Variants in KCNIP4 observed in about 807,000 individuals in gnomAD.
KCNIP4 encodes potassium voltage-gated channel interacting protein 4.
In KCNIP4, 12 loss-of-function variants were observed where a neutral mutation model predicts 34.0. The observed-to-expected ratio is 0.35, with a 90% CI of 0.23 to 0.57. KCNIP4 has a LOEUF of 0.57. KCNIP4 is among the 20% of genes least tolerant of loss of function. KCNIP4 has a pLI of 0.83. For synonymous variants in KCNIP4, 124 were observed against 102.2 expected, an observed-to-expected ratio of 1.21 and a Z score of -1.29; for missense variants, 238 against 311.7, an observed-to-expected ratio of 0.76 and a Z score of 1.78.
At chr4:21,084,554 C>T (rs534125372) in intron 1 of KCNIP4, among the ~76,000 whole-genome samples, 3 of 147,726 alleles carry the variant, frequency 2.0e-5, no homozygotes, top group South Asian at 4.4e-4. Context: ...TGCCAATCAT[C>T]TAGGATGCAC....
At chr4:21,417,383 T>TA (rs1161470964) in intron 1 of KCNIP4, among the ~76,000 whole-genome samples, 1 of 150,726 alleles carries the variant, frequency 6.6e-6, no homozygotes, top group Non-Finnish European at 1.5e-5. Context: ...GTAAGAAGAT[T>TA]AAAAAAAATA....
intron 1 of KCNIP4, among the ~76,000 whole-genome samples, chr4:20,996,914 G>C (rs562084807): frequency 1.3e-5 from 2 of 152,196 alleles, no homozygotes; most frequent in Non-Finnish European, 2.9e-5. Flanking sequence ...TTTCTATAAT[G>C]ATTTGTTGAA....
chr4:21,262,150 AT>A (rs988471274), intron 1 of KCNIP4, among the ~76,000 whole-genome samples: 1 of 151,800 alleles, frequency 6.6e-6, no homozygotes, highest in South Asian at 2.1e-4. Context: ...CTTTTTATTT[AT>A]TTTTTTTGAA....
intron 1 of KCNIP4, among the ~76,000 whole-genome samples, chr4:21,038,945 A>G (rs534026378): frequency 6.8e-4 from 103 of 152,304 alleles, no homozygotes; most frequent in African/African-American, 2.3e-3. Context: ...GCATCCTGTG[A>G]AGGCTGGCAT....
intron 1 of KCNIP4, among the ~76,000 whole-genome samples, chr4:21,839,464 A>G (rs553083746): frequency 2.6e-5 from 4 of 152,306 alleles, no homozygotes; most frequent in Admixed American, 6.5e-5. Context: ...TCCTAGAAAA[A>G]GAAAGAAGAC....
chr4:21,058,822 G>A (rs1743645921), intron 1 of KCNIP4, among the ~76,000 whole-genome samples: 1 of 152,106 alleles, frequency 6.6e-6, no homozygotes, highest in Non-Finnish European at 1.5e-5. Flanking sequence ...CTTGCCCAAT[G>A]ACTGACTGTG....
chr4:21,190,813 T>C (rs565954481), intron 1 of KCNIP4, among the ~76,000 whole-genome samples: 1 of 152,336 alleles, frequency 6.6e-6, no homozygotes, highest in South Asian at 2.1e-4. Context: ...TGCAAATTAA[T>C]GTGTAATTAC....
chr4:21,760,718 A>G (rs1330962368), intron 1 of KCNIP4, among the ~76,000 whole-genome samples: 1 of 152,174 alleles, frequency 6.6e-6, no homozygotes, highest in African/African-American at 2.4e-5. Flanking sequence ...CAAGTATTAA[A>G]AAGCTAAAAT....
intron 1 of KCNIP4, among the ~76,000 whole-genome samples, chr4:20,919,055 A>T (rs1282702020): frequency 1.3e-5 from 2 of 152,206 alleles, no homozygotes; most frequent in Non-Finnish European, 2.9e-5. Flanking sequence ...AAAATGATAC[A>T]GAAAGTTAGA....
At chr4:21,326,594 G>A (rs541325400) in intron 1 of KCNIP4, among the ~76,000 whole-genome samples, 13 of 149,920 alleles carry the variant, frequency 8.7e-5, no homozygotes, top group Admixed American at 5.3e-4. Context: ...TAATTCAGTC[G>A]TCTACTCTGT....
intron 1 of KCNIP4, among the ~76,000 whole-genome samples, chr4:21,200,500 G>A (rs551776345): frequency 4.0e-5 from 6 of 151,642 alleles, no homozygotes; most frequent in Non-Finnish European, 7.4e-5. Context: ...AACTTGGATG[G>A]AACTGGAGTC....
intron 1 of KCNIP4, among the ~76,000 whole-genome samples, chr4:21,895,594 G>T (rs1727339697): frequency 6.6e-6 from 1 of 152,118 alleles, no homozygotes; most frequent in Non-Finnish European, 1.5e-5. Context: ...CCTAGAATAG[G>T]ACCTAGCAGA....
chr4:21,427,529 G>A (rs1402429713), intron 1 of KCNIP4, among the ~76,000 whole-genome samples: 2 of 152,086 alleles, frequency 1.3e-5, no homozygotes, highest in Non-Finnish European at 2.9e-5. Context: ...AGAACTTCTA[G>A]GGGATACCCT....
At chr4:21,935,347 T>C (rs2109013163) in intron 1 of KCNIP4, among the ~76,000 whole-genome samples, 1 of 152,238 alleles carries the variant, frequency 6.6e-6, no homozygotes, top group African/African-American at 2.4e-5. Flanking sequence ...TATGCCATTA[T>C]TGTCCTCAGA....
chr4:21,628,979 T>C (rs1444698812), intron 1 of KCNIP4, among the ~76,000 whole-genome samples: 1 of 152,202 alleles, frequency 6.6e-6, no homozygotes, highest in Non-Finnish European at 1.5e-5. Flanking sequence ...CAAAAGTATA[T>C]ACATTTAAAG....
At chr4:21,941,481 G>A (rs1049759657) in intron 1 of KCNIP4, among the ~76,000 whole-genome samples, 5 of 147,136 alleles carry the variant, frequency 3.4e-5, no homozygotes, top group Non-Finnish European at 7.6e-5. Context: ...AAACCTTTTT[G>A]TAGTAAAGAC....
intron 1 of KCNIP4, among the ~76,000 whole-genome samples, chr4:21,004,202 A>G (rs1442696744): frequency 6.6e-6 from 1 of 152,224 alleles, no homozygotes; most frequent in African/African-American, 2.4e-5. Context: ...TCCAGGCAGC[A>G]AATGGTAAAG....
intron 1 of KCNIP4, among the ~76,000 whole-genome samples, chr4:21,422,841 T>A (rs1238521677): frequency 6.6e-6 from 1 of 152,052 alleles, no homozygotes; most frequent in Non-Finnish European, 1.5e-5. Context: ...AACTATGGCA[T>A]GGAGAAAGCA....
chr4:21,341,408 C>T (rs1716751909), intron 1 of KCNIP4, among the ~76,000 whole-genome samples: 1 of 152,090 alleles, frequency 6.6e-6, no homozygotes, highest in South Asian at 2.1e-4. Flanking sequence ...TCTCCACACT[C>T]CTCCCATATC....
Sources: gnomAD v4.1 joint callset for allele counts (sites outside exome capture counted in the v4.1 genomes callset) on GRCh38, gnomAD v4.1.1 for gene constraint, MANE v1.5 for transcripts, NCBI Gene and HGNC (gene_info 2026-07-23, HGNC 2026-07-21) for gene names.